ADCY10: variants seen among roughly 807,000 people sequenced by gnomAD.
The protein encoded by ADCY10 is adenylate cyclase type 10.
A neutral mutation model predicts 183.3 loss-of-function variants in ADCY10; 156 were observed. The observed-to-expected ratio is 0.85, with a 90% CI of 0.75 to 0.97. ADCY10 has a LOEUF of 0.97. Ranked by LOEUF, ADCY10 falls within the 50% of genes least tolerant of loss-of-function variation. The pLI, the probability that ADCY10 is intolerant of heterozygous loss-of-function variation, is 0.00. For missense variants in ADCY10, 1,745 were observed against 1,934.3 expected, an observed-to-expected ratio of 0.90 and a Z score of 1.84; for synonymous variants, 645 against 670.0, an observed-to-expected ratio of 0.96 and a Z score of 0.58.
chr1:167,865,130 A>G (rs143371974), intron 14 of ADCY10, among the ~76,000 whole-genome samples: 5,661 of 152,288 alleles, frequency 0.037, 116 homozygotes, highest in African/African-American at 0.046. Context: ...CCTGAGTACT[A>G]TTGAAGAAAC....
chr1:167,854,215 C>T (rs1665714444), intron 18 of ADCY10, 138 bp downstream of exon 18: 2 of 1,043,996 alleles, frequency 1.9e-6, no homozygotes, highest in Admixed American at 1.7e-5. Context: ...ATATCGGATC[C>T]AATAATTCCT....
intron 19 of ADCY10, 96 bp downstream of exon 19, chr1:167,848,265 G>A (rs565406647): frequency 3.8e-5 from 37 of 985,296 alleles, no homozygotes; most frequent in Non-Finnish European, 5.8e-5. Context: ...TGGCCAGGCT[G>A]GTCTCAAACT....
At chr1:167,837,161 A>C in intron 22 of ADCY10, 88 bp downstream of exon 22, 111 of 1,181,624 alleles carry the variant, frequency 9.4e-5, no homozygotes, top group Non-Finnish European at 1.3e-4. Context: ...GGTCAAAAGT[A>C]CTGGCCAGAC....
chr1:167,833,576 T>A (rs528894407), intron 24 of ADCY10, among the ~76,000 whole-genome samples: 27 of 152,136 alleles, frequency 1.8e-4, no homozygotes, highest in Admixed American at 5.2e-4. Flanking sequence ...TGAAACCCCA[T>A]CTCTACTAAA....
At position 167,906,938 on chromosome 1, in the gene ADCY10, G is replaced by A. The variant is rs182314360; in HGVS notation, c.-58-1740C>T. Among the ~76,000 whole-genome samples, 12 of 152,266 alleles carry A rather than the reference G, an allele frequency of 7.9e-5. No individual in the cohort carries two copies. In the East Asian group the frequency reaches 2.3e-3, roughly 29 times the overall value. On this transcript the variant is annotated intron_variant, in intron 1 of 32. Coordinates refer to ENST00000367851, the MANE Select transcript of ADCY10 (RefSeq NM_018417.6). ...AAGGTAATTAATAAAAGAGGAATAAGGATGAAGCTTAAGTATGGTGTACCA... is the reference window on the plus strand; with the variant it reads ...AAGGTAATTAATAAAAGAGGAATAAAGATGAAGCTTAAGTATGGTGTACCA...
In ADCY10 at chr1:167,903,874, T is replaced by C; in HGVS notation, c.253+13A>G. 3 of 1,580,952 alleles carry C rather than the reference T, an allele frequency of 1.9e-6. No homozygotes were observed. Among genetic ancestry groups the C allele is most frequent in the Non-Finnish European group, 2.6e-6 (3 of 1,149,740 alleles). The stretch of plus-strand genomic sequence containing the variant: ...GAAATATTCTCAAGCCAGAAACCTA[T>C]GGGAACACTTACTCTCCACTATTGC... On this transcript the variant is annotated intron_variant, in intron 3 of 32. Transcript: ENST00000367851.
chr1:167,851,273 A>C (rs1461124243), intron 18 of ADCY10, among the ~76,000 whole-genome samples: 2 of 151,722 alleles, frequency 1.3e-5, no homozygotes, highest in African/African-American at 4.8e-5. Context: ...TGCAGCCTCA[A>C]CCTCCCTGGC....
intron 13 of ADCY10, among the ~76,000 whole-genome samples, chr1:167,872,466 G>A (rs1203756939): frequency 3.3e-5 from 5 of 151,788 alleles, no homozygotes; most frequent in Non-Finnish European, 7.4e-5. Context: ...TCTTTAGCTG[G>A]ATTCTAAAAT....
intron 31 of ADCY10, among the ~76,000 whole-genome samples, chr1:167,815,042 T>C (rs1307335092): frequency 1.3e-5 from 2 of 152,020 alleles, no homozygotes; most frequent in African/African-American, 4.8e-5. Context: ...CGAGAATCAC[T>C]TGAACCTAGG....
chr1:167,810,588 T>A (rs1432403528), intron 32 of ADCY10, 137 bp downstream of exon 32: 2 of 814,664 alleles, frequency 2.5e-6, no homozygotes, highest in Admixed American at 4.1e-5. Context: ...AGCAGTAGGT[T>A]TCTATTGTTC....
chr1:167,904,630 T>C, intron 2 of ADCY10: 2 of 534,734 alleles, frequency 3.7e-6, no homozygotes, highest in Non-Finnish European at 6.6e-6. Flanking sequence ...GCAAGTTTAT[T>C]AGTAAGATGT....
At chr1:167,869,331 G>A (rs1172487223) in intron 14 of ADCY10, among the ~76,000 whole-genome samples, 1 of 152,136 alleles carries the variant, frequency 6.6e-6, no homozygotes, top group East Asian at 1.9e-4. Flanking sequence ...TGTACTATAT[G>A]AATCACTATC....
At chr1:167,850,474 G>C (rs1665382153) in intron 18 of ADCY10, among the ~76,000 whole-genome samples, 1 of 152,130 alleles carries the variant, frequency 6.6e-6, no homozygotes, top group South Asian at 2.1e-4. Context: ...AAACAACTGG[G>C]GAGAGAGTTG....
chr1:167,816,494 CAAGA>C (rs1478503459), intron 31 of ADCY10, among the ~76,000 whole-genome samples: 3 of 152,040 alleles, frequency 2.0e-5, no homozygotes, highest in African/African-American at 7.2e-5. Context: ...TGCAGTGAGT[CAAGA>C]TCACGCCACT....
At chr1:167,897,111 A>ATCATG (rs1669034659) in intron 6 of ADCY10, among the ~76,000 whole-genome samples, 1 of 151,928 alleles carries the variant, frequency 6.6e-6, no homozygotes, top group Non-Finnish European at 1.5e-5. Context: ...AGACATCAAG[A>ATCATG]TCATGAGACA....
intron 18 of ADCY10, among the ~76,000 whole-genome samples, chr1:167,853,902 A>G (rs1348344634): frequency 7.4e-6 from 1 of 135,334 alleles, no homozygotes; most frequent in Non-Finnish European, 1.5e-5. Context: ...GCAGTGGTGC[A>G]ATCTCAGCTC....
Position 167,909,467 on chromosome 1 carries a change from C to T in ADCY10, c.-58-4269G>A, listed in dbSNP as rs528523832. The stretch of plus-strand genomic sequence containing the variant: ...AGTACAGGCTTGTCCAAGCTATGTC[C>T]TGTGGGCCACATGCGGTCCAGGATG... On this transcript the variant is annotated intron_variant, in intron 1 of 32. Transcript: ENST00000367851. 3.3e-4 allele frequency among the ~76,000 whole-genome samples: 51 copies of T among 152,336 alleles called. No homozygotes were observed. In the Middle Eastern group the frequency reaches 0.01, roughly 30 times the overall value.
intron 13 of ADCY10, among the ~76,000 whole-genome samples, chr1:167,871,364 A>T (rs1229346269): frequency 6.6e-6 from 1 of 152,224 alleles, no homozygotes; most frequent in Non-Finnish European, 1.5e-5. Flanking sequence ...AATAGATTAT[A>T]GGTTTTTTCT....
At chr1:167,831,082 G>C (rs945311576) in intron 25 of ADCY10, among the ~76,000 whole-genome samples, 2 of 152,322 alleles carry the variant, frequency 1.3e-5, no homozygotes, top group African/African-American at 4.8e-5. Context: ...GACTTACTGA[G>C]GCTGTGTTAC....
Sources: allele counts gnomAD v4.1 joint callset (sites outside exome capture counted in the v4.1 genomes callset), GRCh38; gene constraint gnomAD v4.1.1; transcripts MANE v1.5; gene names NCBI Gene and HGNC (gene_info 2026-07-23, HGNC 2026-07-21).